DENND4C: variants seen among roughly 807,000 people sequenced by gnomAD.
The protein encoded by DENND4C is DENN domain containing 4C, also known as DENN domain-containing protein 4C.
DENND4C carries 108 observed loss-of-function variants against 203.0 expected under a neutral mutation model. The observed-to-expected ratio is 0.53, with a 90% CI of 0.46 to 0.62. The LOEUF (loss-of-function observed/expected upper bound fraction) is 0.62. Among genes scored for constraint, DENND4C ranks in the 20% least tolerant of loss-of-function variants. DENND4C has a pLI of 0.00. For missense variants in DENND4C, 2,481 were observed against 2,301.2 expected (o/e 1.08, Z -1.60); for synonymous variants, 871 against 792.4 (o/e 1.10, Z -1.67).
chr9:19,299,627 T>C (rs1445361367), intron 8 of DENND4C, among the ~76,000 whole-genome samples: 1 of 152,222 alleles, frequency 6.6e-6, no homozygotes, highest in East Asian at 1.9e-4. Context: ...TTTTACTTCT[T>C]TTCATCTGCA....
At chr9:19,250,370 G>A (rs1419812326) in intron 1 of DENND4C, among the ~76,000 whole-genome samples, 1 of 152,144 alleles carries the variant, frequency 6.6e-6, no homozygotes, top group African/African-American at 2.4e-5. Flanking sequence ...CTTGAACCCA[G>A]GAGGTGGAGG....
chr9:19,317,468 G>A (rs1842049826), intron 12 of DENND4C, among the ~76,000 whole-genome samples: 1 of 151,938 alleles, frequency 6.6e-6, no homozygotes, highest in South Asian at 2.1e-4. Context: ...AGAGATTTTT[G>A]TTGTTATTCA....
chr9:19,275,221 A>G (rs907388646), intron 1 of DENND4C, among the ~76,000 whole-genome samples: 2 of 146,160 alleles, frequency 1.4e-5, no homozygotes, highest in African/African-American at 5.1e-5. Context: ...CAAGTGATCC[A>G]CCCGCCTCGG....
chr9:19,272,749 G>A (rs905216598), intron 1 of DENND4C, among the ~76,000 whole-genome samples: 1 of 151,932 alleles, frequency 6.6e-6, no homozygotes, highest in Non-Finnish European at 1.5e-5. Context: ...CATTGGATTA[G>A]ACATGTTTTT....
At chr9:19,289,777 C>T (rs970100312) in intron 4 of DENND4C, among the ~76,000 whole-genome samples, 6 of 142,560 alleles carry the variant, frequency 4.2e-5, no homozygotes, top group East Asian at 2.1e-4. Flanking sequence ...TGCAGTGAGC[C>T]GAGATCACAC....
Position 19,328,035 on chromosome 9 carries a change from A to T in DENND4C, c.2126A>T (p.Lys709Ile), listed in dbSNP as rs374351289. 5 of 1,591,000 alleles carry T rather than the reference A, an allele frequency of 3.1e-6. No homozygotes were observed. Among genetic ancestry groups the T allele is most frequent in the East Asian group, 2.2e-5 (1 of 44,656 alleles). Residue 709 changes from lysine to isoleucine, a missense_variant, in exon 16 of 33, where the codon AAA becomes ATA. Around this residue, in one of 3 missense-constraint regions of DENND4C, gnomAD observed 2,289 missense variants for 2,113.3 expected, o/e 1.08. Transcript: ENST00000434457. ...GKDLSPKYSY[K>I]YFPRLDLKLF... ...TATTTTTTTTTTTATTTTAGTTACA[A>T]ATACTTTCCAAGACTGGACCTTAAG... is the stretch of plus-strand genomic sequence containing the variant.
chr9:19,282,359 G>A (rs1834234653), intron 2 of DENND4C, among the ~76,000 whole-genome samples: 2 of 151,184 alleles, frequency 1.3e-5, no homozygotes, highest in African/African-American at 4.9e-5. Flanking sequence ...GGGCTCAGGC[G>A]ATAATCCTTT....
At chr9:19,243,513 C>T (rs930609809) in intron 1 of DENND4C, among the ~76,000 whole-genome samples, 4 of 152,210 alleles carry the variant, frequency 2.6e-5, no homozygotes, top group African/African-American at 9.6e-5. Flanking sequence ...TAAGCAGTCT[C>T]TCCCCATTCC....
At chr9:19,267,894 C>T (rs1183300523) in intron 1 of DENND4C, among the ~76,000 whole-genome samples, 2 of 152,050 alleles carry the variant, frequency 1.3e-5, no homozygotes, top group Non-Finnish European at 2.9e-5. Context: ...CGTTCAGCCT[C>T]TGTATGTCTT....
chr9:19,244,654 C>G (rs904463418), intron 1 of DENND4C, among the ~76,000 whole-genome samples: 21 of 150,920 alleles, frequency 1.4e-4, no homozygotes, highest in Admixed American at 2.0e-4. Context: ...GCAGGAGAAT[C>G]GCTTGAACCC....
chr9:19,267,412 A>G (rs530917434), intron 1 of DENND4C, among the ~76,000 whole-genome samples: 84 of 152,268 alleles, frequency 5.5e-4, no homozygotes, highest in Non-Finnish European at 6.3e-4. Flanking sequence ...TATCTGATAC[A>G]AGTATACCTA....
intron 1 of DENND4C, among the ~76,000 whole-genome samples, chr9:19,240,614 C>G (rs1442834994): frequency 6.6e-6 from 1 of 151,208 alleles, no homozygotes; most frequent in Non-Finnish European, 1.5e-5. Flanking sequence ...TGCAGTGAGC[C>G]GAGATCATGC....
chr9:19,347,315 G>C (rs1004503193), intron 23 of DENND4C, among the ~76,000 whole-genome samples: 10 of 152,096 alleles, frequency 6.6e-5, no homozygotes, highest in Non-Finnish European at 1.3e-4. Context: ...ATTTTTAGTA[G>C]AGATGAGGTT....
intron 13 of DENND4C, among the ~76,000 whole-genome samples, chr9:19,325,166 TTA>T (rs1563804849): frequency 6.6e-6 from 1 of 152,126 alleles, no homozygotes. Context: ...TAAAAAATGT[TTA>T]GTTTTATGGG....
intron 1 of DENND4C, among the ~76,000 whole-genome samples, chr9:19,234,368 C>G (rs1277498534): frequency 6.6e-6 from 1 of 151,442 alleles, no homozygotes; most frequent in African/African-American, 2.4e-5. Flanking sequence ...GTAGCTGGGA[C>G]TACAGGTGCG....
chr9:19,319,419 T>TACATATATATATACACACATATATATAC (rs1563799389), intron 12 of DENND4C, among the ~76,000 whole-genome samples: 6 of 142,820 alleles, frequency 4.2e-5, no homozygotes, highest in Non-Finnish European at 7.5e-5. Context: ...CATATATATA[T>TACATATATATATACACACATATATATAC]ACATATATAT....
chr9:19,347,132 A>G (rs745511662), intron 23 of DENND4C, 46 bp downstream of exon 23: 10 of 1,497,312 alleles, frequency 6.7e-6, no homozygotes, highest in East Asian at 2.3e-5. Flanking sequence ...TGGAGTGTTT[A>G]TAGTATCTTT....
At chr9:19,316,582 T>C in intron 11 of DENND4C, 39 bp from the exon 12 acceptor site, 1 of 1,603,562 alleles carries the variant, frequency 6.2e-7, no homozygotes. Context: ...TTCTTAAATT[T>C]AACATAATAC....
intron 12 of DENND4C, among the ~76,000 whole-genome samples, chr9:19,323,439 A>T (rs1216648537): frequency 6.6e-6 from 1 of 151,996 alleles, no homozygotes; most frequent in African/African-American, 2.4e-5. Flanking sequence ...GGAAAAAAAA[A>T]AAAAAAGGAA....
Sources: gnomAD v4.1 joint callset for allele counts (sites outside exome capture counted in the v4.1 genomes callset) on GRCh38, gnomAD v4.1.1 for gene constraint, gnomAD v4.1.1 regional missense constraint, MANE v1.5 for transcripts, NCBI Gene and HGNC (gene_info 2026-07-23, HGNC 2026-07-21) for gene names.